The following SVOPL variants were observed in gnomAD, a reference collection of about 807,000 sequenced individuals.
The protein encoded by SVOPL is SVOP like.
In SVOPL, 60 loss-of-function variants were observed where a neutral mutation model predicts 61.0. That is an observed-to-expected ratio of 0.98 (90% CI 0.80 to 1.22). The LOEUF is 1.22. SVOPL is among the 50% of genes most tolerant of loss of function. SVOPL has a pLI of 0.00. For missense variants in SVOPL, 662 were observed against 643.9 expected, an observed-to-expected ratio of 1.03 and a Z score of -0.30; for synonymous variants, 279 against 250.0, an observed-to-expected ratio of 1.12 and a Z score of -1.09.
At chr7:138,678,363 C>G in intron 3 of SVOPL, 71 bp downstream of exon 3, 1 of 1,491,020 alleles carries the variant, frequency 6.7e-7, no homozygotes. Flanking sequence ...TCATATTTGG[C>G]TCAGAATAAA....
rs28529796 is a variant in SVOPL at position 138,661,894 on chromosome 7, T to A, written c.345+1180A>T. On this transcript the variant is annotated intron_variant, in intron 5 of 15. Transcript: ENST00000674285. ...GTCTCTGTTTCTTCCTTTAGGTCAA[T>A]ATTTCTGGCATAGCTGGCAAGGTTC... The A allele has an allele frequency of 4.7e-3, 4,627 of 985,412 alleles. 149 individuals carry two copies. In the African/African-American group the frequency reaches 0.073, roughly 16 times the overall value. The allele number at this position is 985,412 out of a possible 1,614,324, so 61.0% of individuals were successfully genotyped here.
At chr7:138,668,240 C>A (rs114738197) in intron 4 of SVOPL, among the ~76,000 whole-genome samples, 1 of 152,090 alleles carries the variant, frequency 6.6e-6, no homozygotes. Context: ...CCTTCCCCCA[C>A]CCACCAAGTT....
At chr7:138,603,550 G>C (rs551035977) in intron 14 of SVOPL, among the ~76,000 whole-genome samples, 21 of 152,208 alleles carry the variant, frequency 1.4e-4, no homozygotes, top group African/African-American at 5.1e-4. Context: ...CATGCACCTG[G>C]GGTCCCAGCT....
At chr7:138,628,656 G>A (rs888832444) in intron 10 of SVOPL, among the ~76,000 whole-genome samples, 6 of 152,184 alleles carry the variant, frequency 3.9e-5, no homozygotes, top group Non-Finnish European at 8.8e-5. Context: ...TTGAACTCCA[G>A]TCAGCTGTGT....
At chr7:138,632,742 G>A (rs1427132755) in intron 9 of SVOPL, among the ~76,000 whole-genome samples, 1 of 151,688 alleles carries the variant, frequency 6.6e-6, no homozygotes, top group Non-Finnish European at 1.5e-5. Context: ...GGGGCGGGAG[G>A]AAAAAGGAGG....
chr7:138,659,093 C>A (rs1801882862), intron 6 of SVOPL, among the ~76,000 whole-genome samples: 1 of 152,152 alleles, frequency 6.6e-6, no homozygotes, highest in Non-Finnish European at 1.5e-5. Flanking sequence ...AGCTGGCTAC[C>A]TGGAGGCTTC....
At chr7:138,627,816 G>A (rs368806216) in intron 11 of SVOPL, among the ~76,000 whole-genome samples, 10 of 152,154 alleles carry the variant, frequency 6.6e-5, no homozygotes, top group Admixed American at 1.3e-4. Flanking sequence ...TTCAGCCATT[G>A]ATTTTTAAGT....
At chr7:138,636,574 G>C (rs771796700) in intron 9 of SVOPL, among the ~76,000 whole-genome samples, 9 of 151,314 alleles carry the variant, frequency 5.9e-5, no homozygotes, top group Non-Finnish European at 1.2e-4. Flanking sequence ...GGGTTCAAGT[G>C]ATTCTCGTGC....
chr7:138,638,880 A>C (rs1471104392), intron 9 of SVOPL, among the ~76,000 whole-genome samples: 2 of 152,220 alleles, frequency 1.3e-5, no homozygotes, highest in Non-Finnish European at 2.9e-5. Flanking sequence ...AAGTTAGTCA[A>C]GGAGACAAGG....
At chr7:138,661,405 C>T (rs1363948671) in intron 5 of SVOPL, 9 of 985,306 alleles carry the variant, frequency 9.1e-6, no homozygotes, top group Non-Finnish European at 9.6e-6. Flanking sequence ...GAGAGAAAAG[C>T]GGCTCAGAAC....
intron 7 of SVOPL, among the ~76,000 whole-genome samples, chr7:138,652,450 C>T (rs2117037485): frequency 6.6e-6 from 1 of 151,384 alleles, no homozygotes; most frequent in East Asian, 2.0e-4. Context: ...GCCTCCAAAG[C>T]ACTGGGATCA....
chr7:138,698,987 C>T (rs1169199374), intron 1 of SVOPL, among the ~76,000 whole-genome samples: 1 of 152,156 alleles, frequency 6.6e-6, no homozygotes, highest in Non-Finnish European at 1.5e-5. Context: ...CTCATCTCTA[C>T]TAAAAATACA....
intron 14 of SVOPL, among the ~76,000 whole-genome samples, chr7:138,601,078 T>C (rs185374034): frequency 7.7e-4 from 117 of 151,480 alleles, no homozygotes; most frequent in Non-Finnish European, 1.5e-3. Flanking sequence ...GGTGAAACCC[T>C]GTCTCTACTA....
chr7:138,595,923 C>T (rs552321366), intron 15 of SVOPL, among the ~76,000 whole-genome samples: 1 of 152,170 alleles, frequency 6.6e-6, no homozygotes, highest in South Asian at 2.1e-4. Flanking sequence ...CACGGTGGCT[C>T]ACATCTGTAA....
intron 14 of SVOPL, among the ~76,000 whole-genome samples, chr7:138,619,526 A>G (rs1358946753): frequency 8.1e-5 from 12 of 147,654 alleles, no homozygotes; most frequent in Non-Finnish European, 1.6e-4. Flanking sequence ...ATTTTTCTTT[A>G]AGACAGGTGG....
In SVOPL at chr7:138,649,507, G is replaced by A. The variant is rs185390739; in HGVS notation, c.535-370C>T. ...AGACAGGATTTCACCATGTTGGCCA[G>A]GCTGGTCTCGAACTCCTGACCTCAA... On this transcript the variant is annotated intron_variant, in intron 7 of 15. Coordinates refer to ENST00000674285, the MANE Select transcript of SVOPL (RefSeq NM_001139456.2). 4.6e-3 allele frequency among the ~76,000 whole-genome samples: 705 copies of A among 152,090 alleles called. 6 individuals are homozygous for A. Among genetic ancestry groups the A allele is most frequent in the African/African-American group, 0.016 (667 of 41,502 alleles).
chr7:138,630,095 A>C lies in SVOPL; in HGVS notation c.817T>G (p.Leu273Val). 4 of 1,613,990 alleles carry C rather than the reference A, an allele frequency of 2.5e-6. No homozygotes were observed. Among genetic ancestry groups the C allele is most frequent in the Non-Finnish European group, 2.5e-6 (3 of 1,179,850 alleles). Residue 273 changes from leucine to valine, a missense_variant, in exon 10 of 16, where the codon TTG becomes GTG. Physicochemically the swap from Leu to Val is conservative, Grantham distance 32. Coordinates refer to ENST00000674285, the MANE Select transcript of SVOPL (RefSeq NM_001139456.2). ...LEKRGRFADL[L>V]DAKYLRTTLQ... ...GTGGTCCGTAAATATTTAGCATCCAATAGGTCTGCAAATCTTCCTCTTTTT... is the reference window on the plus strand; with the variant it reads ...GTGGTCCGTAAATATTTAGCATCCACTAGGTCTGCAAATCTTCCTCTTTTT...
At chr7:138,611,872 G>A (rs1202147037) in intron 14 of SVOPL, among the ~76,000 whole-genome samples, 1 of 79,296 alleles carries the variant, frequency 1.3e-5, no homozygotes, top group African/African-American at 4.3e-5. Context: ...CCTCTGCCCG[G>A]CCGCCACCCC....
At chr7:138,640,918 T>C (rs1800750493) in intron 9 of SVOPL, among the ~76,000 whole-genome samples, 2 of 151,684 alleles carry the variant, frequency 1.3e-5, no homozygotes, top group South Asian at 4.2e-4. Flanking sequence ...AAAATAAGAG[T>C]TGACTGGGTT....
Sources: gnomAD v4.1 joint callset for allele counts (sites outside exome capture counted in the v4.1 genomes callset) on GRCh38, gnomAD v4.1.1 for gene constraint, MANE v1.5 for transcripts, NCBI Gene and HGNC (gene_info 2026-07-23, HGNC 2026-07-21) for gene names.